KRABD5: variants seen among roughly 807,000 people sequenced by gnomAD.
KRABD5 encodes KRAB domain containing 5.
At chr16:31,732,671 A>G in the KRABD5 span, among the ~76,000 whole-genome samples, 7 of 152,310 alleles carry the variant, frequency 4.6e-5, no homozygotes, top group Non-Finnish European at 1.0e-4. Flanking sequence ...TTTAGCTTCT[A>G]AAGACTTTAT....
chr16:31,722,867 T>C, the KRABD5 span: 1 of 1,178,410 alleles, frequency 8.5e-7, no homozygotes, highest in African/African-American at 2.9e-5. Flanking sequence ...TTCAGATTCC[T>C]GTTTCCAGGA....
At chr16:31,738,056 G>A in the KRABD5 span, among the ~76,000 whole-genome samples, 1 of 152,096 alleles carries the variant, frequency 6.6e-6, no homozygotes, top group African/African-American at 2.4e-5. Context: ...GTAGTAAGAA[G>A]TGATGCTTTG....
the KRABD5 span, chr16:31,753,803 G>C: frequency 2.6e-6 from 4 of 1,532,254 alleles, no homozygotes; most frequent in South Asian, 5.0e-5. Context: ...TCTTAAGAAA[G>C]AAGCTTATAG....
At chr16:31,754,221 G>C in the KRABD5 span, 1 of 664,830 alleles carries the variant, frequency 1.5e-6, no homozygotes, top group Non-Finnish European at 2.7e-6. Context: ...TAAAAACGAG[G>C]AGGTGATTTC....
the KRABD5 span, among the ~76,000 whole-genome samples, chr16:31,736,701 A>G: frequency 5.3e-5 from 8 of 151,484 alleles, no homozygotes; most frequent in African/African-American, 1.9e-4. Flanking sequence ...TATTTTTTTG[A>G]TAGAGACAGG....
chr16:31,742,076 T>G, the KRABD5 span, among the ~76,000 whole-genome samples: 1 of 152,158 alleles, frequency 6.6e-6, no homozygotes, highest in African/African-American at 2.4e-5. Flanking sequence ...TTGTTGACTT[T>G]GTGGAACATC....
At chr16:31,752,823 T>C in the KRABD5 span, among the ~76,000 whole-genome samples, 3,437 of 152,330 alleles carry the variant, frequency 0.023, 52 homozygotes, top group Non-Finnish European at 0.034. Context: ...GCTATGATTG[T>C]ACTCTGGCCT....
the KRABD5 span, among the ~76,000 whole-genome samples, chr16:31,729,902 ACT>A: frequency 2.0e-5 from 3 of 148,950 alleles, no homozygotes; most frequent in Admixed American, 2.0e-4. Flanking sequence ...GCATAGAAAA[ACT>A]CTATGCTTTT....
chr16:31,714,812 G>A, the KRABD5 span, among the ~76,000 whole-genome samples: 10 of 152,268 alleles, frequency 6.6e-5, no homozygotes, highest in Middle Eastern at 3.4e-3. Flanking sequence ...GGTCGAGGTT[G>A]GGCTGGAAGG....
the KRABD5 span, among the ~76,000 whole-genome samples, chr16:31,723,676 T>G: frequency 6.6e-6 from 1 of 152,228 alleles, no homozygotes; most frequent in African/African-American, 2.4e-5. Flanking sequence ...TGTGCATGTT[T>G]CTACCTCTAT....
At chr16:31,744,401 G>A in the KRABD5 span, among the ~76,000 whole-genome samples, 1,525 of 152,130 alleles carry the variant, frequency 0.01, 10 homozygotes, top group Middle Eastern at 0.017. Context: ...TTTGTCTTTG[G>A]TTCTGTTTAT....
At chr16:31,750,995 G>C in the KRABD5 span, among the ~76,000 whole-genome samples, 1 of 152,284 alleles carries the variant, frequency 6.6e-6, no homozygotes, top group South Asian at 2.1e-4. Flanking sequence ...CCTGGCCTCA[G>C]GTGATCCACC....
the KRABD5 span, among the ~76,000 whole-genome samples, chr16:31,740,123 C>T: frequency 6.6e-6 from 1 of 152,126 alleles, no homozygotes; most frequent in Admixed American, 6.5e-5. Context: ...GGCTGTGAGA[C>T]CCCTGATTTC....
chr16:31,726,214 T>C, the KRABD5 span, among the ~76,000 whole-genome samples: 1 of 152,234 alleles, frequency 6.6e-6, no homozygotes, highest in East Asian at 1.9e-4. Context: ...TTTTCCAGCA[T>C]CATTTATTGA....
the KRABD5 span, among the ~76,000 whole-genome samples, chr16:31,732,706 A>C: frequency 6.6e-6 from 1 of 152,190 alleles, no homozygotes; most frequent in Non-Finnish European, 1.5e-5. Context: ...TTTATGTAAG[A>C]ATAGCACCAA....
chr16:31,721,683 A>G, the KRABD5 span, among the ~76,000 whole-genome samples: 1 of 152,208 alleles, frequency 6.6e-6, no homozygotes, highest in African/African-American at 2.4e-5. Context: ...TAAGTGTTCA[A>G]AAAGGATTCT....
At chr16:31,719,549 T>C in the KRABD5 span, among the ~76,000 whole-genome samples, 1 of 152,186 alleles carries the variant, frequency 6.6e-6, no homozygotes, top group Non-Finnish European at 1.5e-5. Context: ...ATGGGAAGCC[T>C]AGGGCCTGAC....
the KRABD5 span, among the ~76,000 whole-genome samples, chr16:31,715,898 A>G: frequency 6.6e-6 from 1 of 152,142 alleles, no homozygotes; most frequent in Non-Finnish European, 1.5e-5. Context: ...CACCCTACAC[A>G]TTGTCCTGTG....
the KRABD5 span, chr16:31,757,838 GTAGGTAGGTAGGTAGATAGA>G: frequency 1.4e-4 from 20 of 140,922 alleles, no homozygotes; most frequent in African/African-American, 5.7e-4. Flanking sequence ...AGGTAGGTAG[GTAGGTAGGTAGGTAGATAGA>G]TAGATAGATA....
Sources: gnomAD v4.1 joint callset for allele counts (sites outside exome capture counted in the v4.1 genomes callset) on GRCh38, gnomAD v4.1.1 for gene constraint, MANE v1.5 for transcripts, NCBI Gene and HGNC (gene_info 2026-07-23, HGNC 2026-07-21) for gene names.